The following PPM1H variants were observed in gnomAD, a reference collection of about 807,000 sequenced individuals.
PPM1H encodes the protein protein phosphatase 1H.
Under a neutral mutation model 54.9 loss-of-function variants are expected in PPM1H, and 27 were observed. The observed-to-expected ratio is 0.49, with a 90% CI of 0.36 to 0.68. The LOEUF (loss-of-function observed/expected upper bound fraction) is 0.68. Ranked by LOEUF, PPM1H falls within the 30% of genes least tolerant of loss-of-function variation. PPM1H has a pLI of 0.00. For missense variants in PPM1H, 596 were observed against 667.8 expected, an observed-to-expected ratio of 0.89 and a Z score of 1.19; for synonymous variants, 305 against 270.8, an observed-to-expected ratio of 1.13 and a Z score of -1.24.
intron 2 of PPM1H, among the ~76,000 whole-genome samples, chr12:62,821,928 G>C (rs1351252520): frequency 6.6e-6 from 1 of 152,162 alleles, no homozygotes; most frequent in African/African-American, 2.4e-5. Flanking sequence ...ATGTGAATGG[G>C]CTAAATGCCC....
At chr12:62,871,441 A>G (rs1023647278) in intron 1 of PPM1H, among the ~76,000 whole-genome samples, 76 of 152,002 alleles carry the variant, frequency 5.0e-4, no homozygotes, top group African/African-American at 1.7e-3. Context: ...TGGGGTGATA[A>G]AAAGTTCTAG....
intron 6 of PPM1H, among the ~76,000 whole-genome samples, chr12:62,703,050 T>G (rs1355431233): frequency 1.3e-5 from 2 of 152,202 alleles, no homozygotes; most frequent in African/African-American, 4.8e-5. Flanking sequence ...TTGTGAAGGA[T>G]AAGGTGCTAT....
intron 2 of PPM1H, among the ~76,000 whole-genome samples, chr12:62,817,161 G>GAAAAAAAAAAAAAAAAAAAAAAA (rs1179706449): frequency 2.7e-5 from 2 of 75,286 alleles, no homozygotes; most frequent in African/African-American, 4.2e-5. Context: ...CTAAAAAAAA[G>GAAAAAAAAAAAAAAAAAAAAAAA]AAAAAAAAAA....
intron 8 of PPM1H, among the ~76,000 whole-genome samples, chr12:62,678,100 C>T (rs1260230129): frequency 1.3e-5 from 2 of 152,160 alleles, no homozygotes; most frequent in South Asian, 4.1e-4. Flanking sequence ...GTGCACACTA[C>T]CATGCCTGGC....
rs139198994 is a variant in PPM1H at position 62,676,609 on chromosome 12, G to T, written c.1246-9280C>A. Among the ~76,000 whole-genome samples the T allele has an allele frequency of 1.7e-4, 26 of 152,286 alleles. 1 individual carries two copies. In the East Asian group the frequency reaches 4.8e-3, roughly 28 times the overall value. On this transcript the variant is annotated intron_variant, in intron 8 of 9. Coordinates refer to ENST00000228705, the MANE Select transcript of PPM1H (RefSeq NM_020700.2). ...TACTCCAGTGTGGAGCAAAGTTGTC[G>T]CTGAGCCTGGTCACTGTCGTGACCC...
At chr12:62,920,769 A>G (rs1159157119) in intron 1 of PPM1H, among the ~76,000 whole-genome samples, 1 of 152,094 alleles carries the variant, frequency 6.6e-6, no homozygotes, top group Non-Finnish European at 1.5e-5. Flanking sequence ...CTGAACATTT[A>G]CACTCCATCT....
chr12:62,745,543 A>C (rs976885732), intron 4 of PPM1H, among the ~76,000 whole-genome samples: 5 of 152,202 alleles, frequency 3.3e-5, no homozygotes, highest in Admixed American at 2.6e-4. Flanking sequence ...ATGTGCCTCA[A>C]GCACCTCTCC....
At chr12:62,754,748 G>C (rs1033715551) in intron 4 of PPM1H, among the ~76,000 whole-genome samples, 2 of 152,194 alleles carry the variant, frequency 1.3e-5, no homozygotes, top group Non-Finnish European at 2.9e-5. Context: ...TCTTTACTTG[G>C]ACTTTAGAAA....
At chr12:62,742,629 C>G (rs775619033) in intron 4 of PPM1H, among the ~76,000 whole-genome samples, 10 of 152,120 alleles carry the variant, frequency 6.6e-5, no homozygotes, top group Non-Finnish European at 1.5e-4. Context: ...GATGCTTTTC[C>G]TAAGGAAAAT....
rs762755435 is a variant in PPM1H at position 62,647,907 on chromosome 12, C to CCAA, written c.*581_*582insTTG. The CCAA allele has an allele frequency of 2.7e-5, 1 of 36,654 alleles. No individual in the cohort carries two copies. The allele number at this position is 36,654 out of a possible 1,614,324, so 2.3% of individuals were successfully genotyped here. On this transcript the variant is annotated 3_prime_UTR_variant, in exon 10 of 10. Coordinates refer to ENST00000228705, the MANE Select transcript of PPM1H (RefSeq NM_020700.2). ...ACAGATTCAAGGAATGTCAAAAACA[C>CCAA]GAAAAAAAAAAAAAAAAATCCCTGC...
chr12:62,763,783 G>A (rs1228681934), intron 4 of PPM1H, among the ~76,000 whole-genome samples: 2 of 152,218 alleles, frequency 1.3e-5, no homozygotes, highest in African/African-American at 4.8e-5. Context: ...AAAATCTTGA[G>A]AGGCTAGTGG....
At chr12:62,862,647 T>C (rs753945818) in intron 1 of PPM1H, among the ~76,000 whole-genome samples, 27 of 152,230 alleles carry the variant, frequency 1.8e-4, no homozygotes, top group Admixed American at 5.9e-4. Context: ...TACAGACATC[T>C]ATCTTCTCTG....
chr12:62,824,503 C>G (rs1409400722), intron 2 of PPM1H, among the ~76,000 whole-genome samples: 1 of 152,180 alleles, frequency 6.6e-6, no homozygotes, highest in African/African-American at 2.4e-5. Context: ...TCAAACTATA[C>G]TACAAGGCTA....
rs1302442007 is a variant in PPM1H at position 62,689,753 on chromosome 12, C to T, written c.1191G>A (p.Leu397=). 1 of 1,613,842 alleles carries T rather than the reference C, an allele frequency of 6.2e-7. No individual in the cohort carries two copies. Among genetic ancestry groups the T allele is most frequent in the Admixed American group, 1.7e-5 (1 of 60,000 alleles). The part of the protein sequence containing the change: ...GVTRGLGDHD[L]KVHDSNIYIK... The stretch of plus-strand genomic sequence containing the variant: ...TGTAGATGTTGGAGTCATGCACCTT[C>T]AGGTCATGGTCCCCAAGTCCCCTGG... Residue 397 remains leucine, a synonymous_variant, in exon 8 of 10, where the codon CTG becomes CTA. Coordinates refer to ENST00000228705, the MANE Select transcript of PPM1H (RefSeq NM_020700.2).
At chr12:62,933,130 T>C (rs1872201799) in intron 1 of PPM1H, among the ~76,000 whole-genome samples, 1 of 152,110 alleles carries the variant, frequency 6.6e-6, no homozygotes, top group African/African-American at 2.4e-5. Flanking sequence ...TTTTATGATG[T>C]GTTAATTTTT....
In PPM1H at chr12:62,694,013, A is replaced by G; in HGVS notation, c.1074-14T>C. 1 of 1,607,840 alleles carries G rather than the reference A, an allele frequency of 6.2e-7. No individual in the cohort carries two copies. Among genetic ancestry groups the G allele is most frequent in the South Asian group, 1.1e-5 (1 of 89,572 alleles). On this transcript the variant is annotated splice_polypyrimidine_tract_variant and intron_variant, in intron 6 of 9. Transcript: ENST00000228705. Reference sequence around the variant, plus strand: ...GTTTTGTATGCCCTGTAGGGGATAAACAACATTTTAAAAAAGGTTTGCACT... The same window carrying G: ...GTTTTGTATGCCCTGTAGGGGATAAGCAACATTTTAAAAAAGGTTTGCACT...
At chr12:62,677,445 C>A (rs1045485988) in intron 8 of PPM1H, among the ~76,000 whole-genome samples, 2 of 152,186 alleles carry the variant, frequency 1.3e-5, no homozygotes, top group Non-Finnish European at 2.9e-5. Context: ...GGTTGTGATG[C>A]CCTCTTTGGG....
chr12:62,777,656 T>C (rs1040044284), intron 4 of PPM1H, among the ~76,000 whole-genome samples: 12 of 152,128 alleles, frequency 7.9e-5, no homozygotes, highest in African/African-American at 2.9e-4. Context: ...GGAAATGAAC[T>C]CAAAAAACAT....
chr12:62,740,897 T>G (rs2076377880), intron 4 of PPM1H, among the ~76,000 whole-genome samples: 1 of 152,200 alleles, frequency 6.6e-6, no homozygotes, highest in Admixed American at 6.5e-5. Context: ...GTGTATACTC[T>G]TAATATCTGC....
Sources: gnomAD v4.1 joint callset for allele counts (sites outside exome capture counted in the v4.1 genomes callset) on GRCh38, gnomAD v4.1.1 for gene constraint, MANE v1.5 for transcripts, NCBI Gene and HGNC (gene_info 2026-07-23, HGNC 2026-07-21) for gene names.